The following THNSL1 variants were observed in gnomAD, a reference collection of about 807,000 sequenced individuals.
THNSL1 encodes threonine synthase-like 1.
Under a neutral mutation model 50.4 loss-of-function variants are expected in THNSL1, and 48 were observed. The ratio of observed to expected loss-of-function variants is 0.95; its 90% confidence interval spans 0.76 to 1.21. The LOEUF is 1.21. Ranked by LOEUF, THNSL1 falls within the 50% of genes most tolerant of loss-of-function variation. The probability of loss-of-function intolerance (pLI) is 0.00; values close to 1 mark genes in which losing one functional copy is unlikely to be tolerated. For synonymous variants in THNSL1, 309 were observed against 306.1 expected (o/e 1.01, Z -0.10); for missense variants, 896 against 871.7 (o/e 1.03, Z -0.35).
chr10:24,968,841 A>G, the THNSL1 span, among the ~76,000 whole-genome samples: 1 of 152,234 alleles, frequency 6.6e-6, no homozygotes, highest in Admixed American at 6.5e-5. Context: ...CGAATCACAT[A>G]TGATCACTCA....
Position 25,024,597 on chromosome 10 carries a change from T to C in THNSL1, c.1374T>C (p.Thr458=). ...FNDSDFTGFL[T]VEYGTILSSA... Reference sequence around the variant, plus strand: ...ATTCTGATTTTACTGGCTTTCTTACTGTGGAATATGGAACAATCTTAAGTT... The same window carrying C: ...ATTCTGATTTTACTGGCTTTCTTACCGTGGAATATGGAACAATCTTAAGTT... Residue 458 remains threonine, a synonymous_variant, in exon 3 of 3, where the codon ACT becomes ACC. Transcript: ENST00000376356. 6.2e-7 allele frequency: 1 copy of C among 1,614,200 alleles called. No individual in the cohort carries two copies. The highest frequency in any genetic ancestry group is 8.5e-7 in the Non-Finnish European group (1 of 1,180,030).
the THNSL1 span, among the ~76,000 whole-genome samples, chr10:24,968,925 G>A: frequency 9.2e-5 from 14 of 152,214 alleles, no homozygotes; most frequent in Admixed American, 7.2e-4. Context: ...ACGGAGTCTC[G>A]CTCTGTCACC....
chr10:24,984,894 C>A, the THNSL1 span: 7 of 1,611,388 alleles, frequency 4.3e-6, no homozygotes, highest in Admixed American at 3.4e-5. Flanking sequence ...CTTCCCAGTT[C>A]TTTTTCAGCC....
the THNSL1 span, among the ~76,000 whole-genome samples, chr10:24,976,492 CTTTT>C: frequency 6.6e-6 from 1 of 151,750 alleles, no homozygotes; most frequent in African/African-American, 2.4e-5. Flanking sequence ...TTTTCTTTTT[CTTTT>C]GTTTTTTTTT....
chr10:24,964,183 G>A, the THNSL1 span, among the ~76,000 whole-genome samples: 5 of 152,228 alleles, frequency 3.3e-5, no homozygotes, highest in African/African-American at 1.2e-4. Context: ...CATGGTGGCT[G>A]GGGGTAGAGG....
Position 25,023,833 on chromosome 10 carries a change from G to C in THNSL1, c.610G>C (p.Glu204Gln), listed in dbSNP as rs752220697. 1 of 1,614,206 alleles carries C rather than the reference G, an allele frequency of 6.2e-7. No homozygotes were observed. Residue 204 changes from glutamate (E) to glutamine (Q), a missense_variant, in exon 3 of 3, where the codon GAA becomes CAA. Transcript: ENST00000376356. The stretch of plus-strand genomic sequence containing the variant: ...GTGGTATGATGCTCGTGTTTTCTGT[G>C]AAAGTGGGGCTTCCCCAGAGGAGGT... ...KKWYDARVFC[E>Q]SGASPEEVAD... is the part of the protein sequence containing the mutation.
the THNSL1 span, chr10:24,995,939 C>T: frequency 1.6e-6 from 2 of 1,247,196 alleles, no homozygotes; most frequent in Non-Finnish European, 2.2e-6. Flanking sequence ...TTTATAATAT[C>T]CAGATATTTC....
rs1850804810 is a variant in THNSL1, at chr10:25,024,647, G to C, written c.1424G>C (p.Arg475Pro). Residue 475 changes from arginine (R) to proline (P), a missense_variant, in exon 3 of 3, where the codon CGA becomes CCA. By Grantham distance (103) the Arg-to-Pro change is moderately radical (BLOSUM62 -2). Coordinates refer to ENST00000376356, the MANE Select transcript of THNSL1 (RefSeq NM_024838.5). ...LSSANSINWG[R>P]LLPQVVYHAS... The stretch of plus-strand genomic sequence containing the variant: ...TCGGCTAACTCCATAAACTGGGGCC[G>C]ACTACTTCCGCAGGTAGTTTATCAT... 6.2e-7 allele frequency: 1 copy of C among 1,614,196 alleles called. No homozygotes were observed. Among genetic ancestry groups the C allele is most frequent in the East Asian group, 2.2e-5 (1 of 44,884 alleles).
chr10:24,980,455 CT>C, the THNSL1 span, among the ~76,000 whole-genome samples: 6 of 152,150 alleles, frequency 3.9e-5, no homozygotes, highest in Admixed American at 2.0e-4. Flanking sequence ...GCATAGCATC[CT>C]GTTTTTTTTC....
chr10:24,997,807 T>TTATATATATA, the THNSL1 span, among the ~76,000 whole-genome samples: 5 of 144,890 alleles, frequency 3.5e-5, no homozygotes, highest in African/African-American at 1.1e-4. Context: ...CACAAAGGAT[T>TTATATATATA]TATATATATA....
intron 2 of THNSL1, among the ~76,000 whole-genome samples, chr10:25,022,588 G>A (rs1274320827): frequency 6.6e-6 from 1 of 152,148 alleles, no homozygotes; most frequent in Non-Finnish European, 1.5e-5. Context: ...CTGTAGTTTG[G>A]AAAACTAAGC....
Position 25,025,412 on chromosome 10 carries a change from TGAA to T in THNSL1, c.2192_2194del (p.Lys731del). On this transcript the variant is annotated inframe_deletion, in exon 3 of 3. Coordinates refer to ENST00000376356, the MANE Select transcript of THNSL1 (RefSeq NM_024838.5). ...GTCTGTGCAGCTGATATGAATGTCTTGAAGAGTCATGTGGAACAACTTGTCCAA... is the reference window on the plus strand; with the variant it reads ...GTCTGTGCAGCTGATATGAATGTCTTGAGTCATGTGGAACAACTTGTCCAA... 1 of 1,612,706 alleles carries T rather than the reference TGAA, an allele frequency of 6.2e-7. No homozygotes were observed. The highest frequency in any genetic ancestry group is 8.5e-7 in the Non-Finnish European group (1 of 1,179,592).
the THNSL1 span, among the ~76,000 whole-genome samples, chr10:24,986,319 T>C: frequency 6.6e-6 from 1 of 152,046 alleles, no homozygotes. Flanking sequence ...ATAGAAGAGG[T>C]TGGTTGGGGA....
the THNSL1 span, among the ~76,000 whole-genome samples, chr10:25,001,954 G>C: frequency 6.6e-6 from 1 of 152,106 alleles, no homozygotes; most frequent in Non-Finnish European, 1.5e-5. Flanking sequence ...ATTGTTTGTT[G>C]CTGAATTTTT....
At chr10:24,967,892 ATG>A in the THNSL1 span, among the ~76,000 whole-genome samples, 2 of 148,720 alleles carry the variant, frequency 1.3e-5, no homozygotes, top group African/African-American at 5.0e-5. Flanking sequence ...TTGTGTGTGT[ATG>A]TGTGTATGAT....
At chr10:24,961,797 G>A in the THNSL1 span, among the ~76,000 whole-genome samples, 3 of 152,314 alleles carry the variant, frequency 2.0e-5, no homozygotes, top group East Asian at 1.9e-4. Context: ...TTATGGTGCT[G>A]TGTTTCAGGG....
chr10:24,981,680 C>G, the THNSL1 span, among the ~76,000 whole-genome samples: 3 of 152,172 alleles, frequency 2.0e-5, no homozygotes, highest in African/African-American at 4.8e-5. Flanking sequence ...ACGTATTGTT[C>G]CATTCATTCT....
upstream of THNSL1, among the ~76,000 whole-genome samples, chr10:25,011,978 G>A (rs1053363593): frequency 6.6e-6 from 1 of 152,202 alleles, no homozygotes; most frequent in Non-Finnish European, 1.5e-5. Flanking sequence ...ATGGTTTCAT[G>A]GGCTGGGCCC....
At chr10:24,952,660 AT>A in the THNSL1 span, 1 of 159,692 alleles carries the variant, frequency 6.3e-6, no homozygotes, top group South Asian at 5.1e-5. The surrounding 1 kb of genome is among the most constrained non-coding windows in gnomAD (Gnocchi z 5.1). Context: ...GGACGTGGGG[AT>A]GGGGACGGGG....
Sources: gnomAD v4.1 joint callset for allele counts (sites outside exome capture counted in the v4.1 genomes callset) on GRCh38, gnomAD v4.1.1 for gene constraint, Gnocchi (gnomAD v3.1) non-coding constraint, MANE v1.5 for transcripts, NCBI Gene and HGNC (gene_info 2026-07-23, HGNC 2026-07-21) for gene names.